The following C5 variants were observed in gnomAD, a reference collection of about 807,000 sequenced individuals.
C5 encodes C3 and PZP-like alpha-2-macroglobulin domain-containing protein 4.
A neutral mutation model predicts 218.8 loss-of-function variants in C5; 140 were observed. The ratio of observed to expected loss-of-function variants is 0.64; its 90% CI spans 0.56 to 0.74. The LOEUF is 0.74. Among genes scored for constraint, C5 ranks in the 30% least tolerant of loss-of-function variants. The pLI, the probability that C5 is intolerant of heterozygous loss-of-function variation, is 0.00. For synonymous variants in C5, 614 were observed against 682.3 expected, an observed-to-expected ratio of 0.90 and a Z score of 1.56; for missense variants, 1,700 against 1,969.6, an observed-to-expected ratio of 0.86 and a Z score of 2.59.
In C5 at chr9:121,017,731, T is replaced by C. The variant is rs2047320386; in HGVS notation, c.1628A>G (p.Tyr543Cys). Reference sequence around the variant, plus strand: ...TGTCTGTTCTCCTGTGACGATGTAATAGACCAGAAGTCGGGATGAAGGAAC... The same window carrying C: ...TGTCTGTTCTCCTGTGACGATGTAACAGACCAGAAGTCGGGATGAAGGAAC... ...NMVPSSRLLV[Y>C]YIVTGEQTAE... is the part of the protein sequence containing the mutation. Residue 543 changes from tyrosine (Y) to cysteine (C), a missense_variant, in exon 13 of 41, where the codon TAT becomes TGT. Tyr to Cys is a radical substitution (Grantham distance 194). Coordinates refer to ENST00000223642, the MANE Select transcript of C5 (RefSeq NM_001735.3). The C allele has an allele frequency of 5.6e-6, 9 of 1,612,350 alleles. No individual in the cohort carries two copies. Among genetic ancestry groups the C allele is most frequent in the Non-Finnish European group, 7.6e-6 (9 of 1,178,428 alleles).
chr9:121,024,855 A>G (rs1295635603), intron 9 of C5, among the ~76,000 whole-genome samples: 1 of 152,322 alleles, frequency 6.6e-6, no homozygotes, highest in Admixed American at 6.5e-5. Flanking sequence ...GGCATCATAC[A>G]TCATTAATGT....
chr9:121,065,339 C>A, the C5 span, among the ~76,000 whole-genome samples: 2 of 152,102 alleles, frequency 1.3e-5, no homozygotes, highest in East Asian at 3.8e-4. Flanking sequence ...GAGAAAATTG[C>A]GGAGAAAATT....
Position 121,030,505 on chromosome 9 carries a change from C to G in C5, c.668-18G>C. ...TGGCAAGACTGAAAATAAAAACAAA[C>G]AGGTAATATTACCATTTTGATTAGA... On this transcript the variant is annotated intron_variant, in intron 6 of 40. Coordinates refer to ENST00000223642, the MANE Select transcript of C5 (RefSeq NM_001735.3). 6 of 1,426,082 alleles carry G rather than the reference C, an allele frequency of 4.2e-6. No homozygotes were observed. Among genetic ancestry groups the G allele is most frequent in the Non-Finnish European group, 5.8e-6 (6 of 1,034,318 alleles). 88.3% of individuals were successfully genotyped at this position (1,426,082 alleles called of 1,614,324 possible).
chr9:121,002,280 ACGTATATATGTATATATG>A (rs2047174754), intron 20 of C5, among the ~76,000 whole-genome samples: 1 of 116,312 alleles, frequency 8.6e-6, no homozygotes, highest in Non-Finnish European at 1.7e-5. Flanking sequence ...ATGTATATAT[ACGTATATATGTATATATG>A]TATATATATA....
the C5 span, among the ~76,000 whole-genome samples, chr9:121,073,243 C>A: frequency 6.6e-5 from 10 of 152,336 alleles, no homozygotes; most frequent in Admixed American, 5.2e-4. Flanking sequence ...TCCAGCCACA[C>A]TGAATTACTT....
chr9:120,977,053 A>C (rs2046958952), intron 28 of C5, 148 bp from the exon 29 acceptor site: 1 of 699,492 alleles, frequency 1.4e-6, no homozygotes, highest in Middle Eastern at 3.8e-4. Flanking sequence ...CCAATGCAAA[A>C]CGAGATCCCT....
chr9:121,064,308 C>G, the C5 span, among the ~76,000 whole-genome samples: 1 of 152,044 alleles, frequency 6.6e-6, no homozygotes, highest in South Asian at 2.1e-4. Context: ...CTAACAGGGT[C>G]GTTGTAAGTT....
chr9:120,965,430 G>A (rs1427522350), intron 33 of C5, among the ~76,000 whole-genome samples: 1 of 152,060 alleles, frequency 6.6e-6, no homozygotes, highest in African/African-American at 2.4e-5. Context: ...TGAGGCACGA[G>A]AATGGCTTGA....
rs557842862 is a variant in C5, at chr9:121,019,716, C to A, written c.1506+260G>T. On this transcript the variant is annotated intron_variant, in intron 12 of 40. Coordinates refer to ENST00000223642, the MANE Select transcript of C5 (RefSeq NM_001735.3). ...AGGAGTCAGAGTCCTCAGCTCAAAT[C>A]AAAATTTTCCTCTTCCCAGCTGAGT... Among the ~76,000 whole-genome samples the A allele has an allele frequency of 1.9e-3, 291 of 152,312 alleles. 2 individuals carry two copies. The highest frequency in any genetic ancestry group is 6.8e-3 in the African/African-American group (284 of 41,578).
the C5 span, among the ~76,000 whole-genome samples, chr9:121,061,015 T>C: frequency 6.6e-6 from 1 of 152,064 alleles, no homozygotes; most frequent in East Asian, 1.9e-4. Context: ...CGGTAAAACC[T>C]TGTCTCTACT....
intron 23 of C5, 142 bp from the exon 24 acceptor site, chr9:120,989,922 GA>G (rs964948365): frequency 8.1e-5 from 39 of 479,462 alleles, no homozygotes; most frequent in Non-Finnish European, 1.3e-4. Flanking sequence ...AACGGGGTGA[GA>G]AAAAAAGATC....
rs928038112 is a variant in C5, at chr9:121,020,018, G to T, written c.1464C>A (p.Pro488=). The change falls in exon 12 of 41, where the codon CCC becomes CCA. Residue 488 remains proline (P), a synonymous_variant. Coordinates refer to ENST00000223642, the MANE Select transcript of C5 (RefSeq NM_001735.3). ...VGEHLNIIVT[P]KSPYIDKITH... The stretch of plus-strand genomic sequence containing the variant: ...TTATTTTGTCAATATATGGGCTTTT[G>T]GGGGTAACAATAATATTCAGATGTT... The T allele has an allele frequency of 6.2e-7, 1 of 1,610,702 alleles. No individual in the cohort carries two copies. Among genetic ancestry groups the T allele is most frequent in the Non-Finnish European group, 8.5e-7 (1 of 1,177,030 alleles).
chr9:120,996,771 A>G (rs2047119674), intron 21 of C5, among the ~76,000 whole-genome samples: 1 of 152,220 alleles, frequency 6.6e-6, no homozygotes, highest in Admixed American at 6.5e-5. Flanking sequence ...AAGTCGGTAC[A>G]TGTTTACTGA....
chr9:120,977,521 T>C (rs1248917107), intron 28 of C5, among the ~76,000 whole-genome samples: 1 of 152,178 alleles, frequency 6.6e-6, no homozygotes, highest in Non-Finnish European at 1.5e-5. Context: ...AGTGGTGTGA[T>C]TGTAGCTCAC....
Position 121,033,793 on chromosome 9 carries a change from A to G in C5, c.584+1010T>C, listed in dbSNP as rs565129466. Among the ~76,000 whole-genome samples, 29 of 152,342 alleles carry G rather than the reference A, an allele frequency of 1.9e-4. 1 individual carries two copies. The highest frequency in any genetic ancestry group is 5.5e-4 in the African/African-American group (23 of 41,582). On this transcript the variant is annotated intron_variant, in intron 5 of 40. Coordinates refer to ENST00000223642, the MANE Select transcript of C5 (RefSeq NM_001735.3). ...GACCATAAAAAGATGTTGTTCTAAAATTCTAGTGCAGCCATGTATAGATGC... is the reference window on the plus strand; with the variant it reads ...GACCATAAAAAGATGTTGTTCTAAAGTTCTAGTGCAGCCATGTATAGATGC...
At chr9:120,981,664 G>A (rs889252564) in intron 27 of C5, among the ~76,000 whole-genome samples, 180 bp downstream of exon 27, 2 of 152,164 alleles carry the variant, frequency 1.3e-5, no homozygotes, top group African/African-American at 4.8e-5. Flanking sequence ...GTTGGACTAG[G>A]TGGTCTCTAA....
intron 20 of C5, among the ~76,000 whole-genome samples, chr9:121,003,743 C>A (rs1384786785): frequency 6.6e-6 from 1 of 152,034 alleles, no homozygotes; most frequent in Non-Finnish European, 1.5e-5. Flanking sequence ...AACAGCAATG[C>A]CTACCTCTAT....
chr9:120,981,981 CT>C, intron 26 of C5, 42 bp from the exon 27 acceptor site: 2 of 1,336,616 alleles, frequency 1.5e-6, no homozygotes, highest in Non-Finnish European at 2.2e-6. Context: ...GAAATGGTGT[CT>C]TTAAGGCGAA....
chr9:121,034,387 C>T (rs1283611421), intron 5 of C5, among the ~76,000 whole-genome samples: 1 of 152,142 alleles, frequency 6.6e-6, no homozygotes, highest in African/African-American at 2.4e-5. Context: ...ATAGATATAG[C>T]TCTGAGAACT....
Sources: gnomAD v4.1 joint callset for allele counts (sites outside exome capture counted in the v4.1 genomes callset) on GRCh38, gnomAD v4.1.1 for gene constraint, MANE v1.5 for transcripts, NCBI Gene and HGNC (gene_info 2026-07-23, HGNC 2026-07-21) for gene names.